NAV2: variants seen among roughly 807,000 people sequenced by gnomAD.
NAV2 encodes helicase, APC down-regulated 1.
In NAV2, 54 loss-of-function variants were observed where a neutral mutation model predicts 223.2. The observed-to-expected ratio is 0.24, with a 90% CI of 0.19 to 0.30. The LOEUF (loss-of-function observed/expected upper bound fraction) is 0.30. Ranked by LOEUF, NAV2 falls within the 10% of genes least tolerant of loss-of-function variation. The pLI, the probability that NAV2 is intolerant of heterozygous loss-of-function variation, is 1.00. For synonymous variants in NAV2, 1,279 were observed against 1,239.3 expected, an observed-to-expected ratio of 1.03 and a Z score of -0.67; for missense variants, 2,806 against 3,147.5, an observed-to-expected ratio of 0.89 and a Z score of 2.60.
intron 1 of NAV2, among the ~76,000 whole-genome samples, chr11:19,462,191 G>A (rs1015787675): frequency 6.6e-6 from 1 of 152,208 alleles, no homozygotes; most frequent in South Asian, 2.1e-4. Context: ...ACTTCATCAT[G>A]TATCATAATC....
chr11:19,614,955 T>G (rs1356358473), intron 1 of NAV2, among the ~76,000 whole-genome samples: 1 of 152,142 alleles, frequency 6.6e-6, no homozygotes, highest in Non-Finnish European at 1.5e-5. Context: ...GTACTCTTCT[T>G]TGTGACTTCT....
In NAV2 at chr11:20,095,678, A is replaced by G. The variant is rs2061207567; in HGVS notation, c.5923A>G (p.Arg1975Gly). ...TACATTTCCTTACCCTTAGGATTCC[A>G]GACCACATCTCTTTCTTATTGGCTG... ...QEEMKWKEDS[R>G]PHLFLIGCIG... The change falls in exon 30 of 38, where the codon AGA becomes GGA. Residue 1975 changes from arginine (R) to glycine (G), a missense_variant. Transcript: ENST00000349880. 6.2e-7 allele frequency: 1 copy of G among 1,612,298 alleles called. No homozygotes were observed. The highest frequency in any genetic ancestry group is 1.1e-5 in the South Asian group (1 of 91,030).
intron 1 of NAV2, among the ~76,000 whole-genome samples, chr11:19,480,744 A>G (rs2042253076): frequency 6.6e-6 from 1 of 152,200 alleles, no homozygotes; most frequent in Admixed American, 6.5e-5. Flanking sequence ...ATTTGCCATA[A>G]TTCTCTCCTT....
chr11:19,553,612 G>A (rs11819791), intron 1 of NAV2, among the ~76,000 whole-genome samples: 9,200 of 152,320 alleles, frequency 0.06, 992 homozygotes, highest in African/African-American at 0.21. Flanking sequence ...CTTGGGCTGC[G>A]GGTGGCCTCA....
chr11:20,044,320 C>T, intron 13 of NAV2, 48 bp downstream of exon 13: 1 of 1,525,474 alleles, frequency 6.6e-7, no homozygotes, highest in Non-Finnish European at 8.9e-7. Flanking sequence ...TTTTGAAAAC[C>T]AAAGCCATAG....
At chr11:19,438,768 G>A (rs1851297861) in intron 1 of NAV2, among the ~76,000 whole-genome samples, 1 of 152,158 alleles carries the variant, frequency 6.6e-6, no homozygotes, top group Admixed American at 6.6e-5. Flanking sequence ...GATGAGGTCT[G>A]GAAAGATCCT....
intron 1 of NAV2, among the ~76,000 whole-genome samples, chr11:19,387,428 G>T (rs1304897967): frequency 6.6e-6 from 1 of 152,120 alleles, no homozygotes; most frequent in Non-Finnish European, 1.5e-5. Flanking sequence ...AGTTCAGGCT[G>T]CTGGAGCATG....
chr11:19,763,356 T>C (rs1322958038), intron 1 of NAV2, among the ~76,000 whole-genome samples: 4 of 152,240 alleles, frequency 2.6e-5, no homozygotes, highest in African/African-American at 4.8e-5. Context: ...AACAACCTGC[T>C]TAGAAAGTCT....
intron 1 of NAV2, among the ~76,000 whole-genome samples, chr11:19,753,281 C>G (rs2053979913): frequency 6.6e-6 from 1 of 152,144 alleles, no homozygotes; most frequent in Non-Finnish European, 1.5e-5. Context: ...TGCCTCTAGG[C>G]CTTTGCATAT....
intron 1 of NAV2, among the ~76,000 whole-genome samples, chr11:19,796,447 G>T (rs1343860319): frequency 2.6e-5 from 4 of 152,144 alleles, no homozygotes; most frequent in Admixed American, 2.0e-4. Context: ...CCCTTTCTTG[G>T]TGCCATATAT....
At chr11:19,916,544 C>T (rs760066145) in intron 6 of NAV2, among the ~76,000 whole-genome samples, 1 of 152,210 alleles carries the variant, frequency 6.6e-6, no homozygotes, top group Non-Finnish European at 1.5e-5. Context: ...TTGATCTAAT[C>T]GTGTCTGTCT....
chr11:19,457,933 G>T (rs1852013806), intron 1 of NAV2, among the ~76,000 whole-genome samples: 1 of 152,180 alleles, frequency 6.6e-6, no homozygotes, highest in Admixed American at 6.5e-5. Context: ...GACATGCACG[G>T]AATAGGGCAC....
intron 1 of NAV2, among the ~76,000 whole-genome samples, chr11:19,646,798 A>G (rs1218530060): frequency 6.6e-6 from 1 of 152,238 alleles, no homozygotes; most frequent in African/African-American, 2.4e-5. Context: ...ATTTATAGAT[A>G]TAGAACATGA....
chr11:20,044,286 G>C lies in NAV2; in HGVS notation c.3199+14G>C. On this transcript the variant is annotated intron_variant, in intron 13 of 37. Coordinates refer to ENST00000349880, the MANE Select transcript of NAV2 (RefSeq NM_145117.5). ...CCCCAGGAACTGGTAAGAGGCCGGG[G>C]CTGTCTTGGCCCTACAGTTGACATT... The C allele has an allele frequency of 6.3e-7, 1 of 1,598,576 alleles. No homozygotes were observed. The highest frequency in any genetic ancestry group is 2.2e-5 in the East Asian group (1 of 44,468).
intron 11 of NAV2, chr11:20,023,181 ATGTACTGCCT>A: frequency 6.6e-7 from 1 of 1,516,826 alleles, no homozygotes; most frequent in Non-Finnish European, 8.9e-7. Context: ...GGTGTGGTGC[ATGTACTGCCT>A]TGTCTTCCTT....
intron 1 of NAV2, among the ~76,000 whole-genome samples, chr11:19,626,235 T>C (rs2047165299): frequency 6.6e-6 from 1 of 152,186 alleles, no homozygotes; most frequent in African/African-American, 2.4e-5. Flanking sequence ...GAGGTCTGTT[T>C]TCATTCTTTT....
At position 19,713,888 on chromosome 11, in the gene NAV2, G is replaced by C. The variant is rs1397227727; in HGVS notation, c.193G>C (p.Gly65Arg). 6.2e-6 allele frequency: 10 copies of C among 1,613,514 alleles called. No individual in the cohort carries two copies. Among genetic ancestry groups the C allele is most frequent in the Non-Finnish European group, 8.5e-6 (10 of 1,179,962 alleles). The part of the protein sequence containing the change: ...QIPLKSQVLQ[G>R]LQEPAGEGLP... ...CCCCCTGAAATCGCAGGTGCTGCAG[G>C]GGCTGCAGGAGCCAGCGGGGGAGGG... The change falls in exon 1 of 38, where the codon GGG (glycine) becomes CGG (arginine). Residue 65 changes from glycine (G) to arginine (R), a missense_variant. By Grantham distance (125) the Gly-to-Arg change is moderately radical. Around this residue, in one of 4 missense-constraint regions of NAV2, gnomAD observed 1,167 missense variants for 1,180.5 expected, o/e 0.99. Coordinates refer to ENST00000349880, the MANE Select transcript of NAV2 (RefSeq NM_145117.5). This position sits in a 1 kb window ranked among gnomAD's most constrained non-coding sequence, Gnocchi z 7.2.
chr11:19,471,124 A>G (rs1243949533), intron 1 of NAV2, among the ~76,000 whole-genome samples: 1 of 152,124 alleles, frequency 6.6e-6, no homozygotes, highest in Non-Finnish European at 1.5e-5. Context: ...GTGCCTTTCC[A>G]CAAATGACCC....
chr11:19,599,928 C>G lies in NAV2; in HGVS notation c.76-232556C>G, dbSNP rs530276186. Reference sequence around the variant, plus strand: ...TATATCTCTTCCTTTTCTCTCTCTCCAAACTGAATTGCATCCGTGTCTTAG... The same window carrying G: ...TATATCTCTTCCTTTTCTCTCTCTCGAAACTGAATTGCATCCGTGTCTTAG... On this transcript the variant is annotated intron_variant, in intron 1 of 37. Transcript: ENST00000360655. 1.1e-4 allele frequency among the ~76,000 whole-genome samples: 16 copies of G among 152,310 alleles called. No homozygotes were observed. The South Asian group carries it at 3.1e-3, about 30-fold the overall frequency.
Sources: gnomAD v4.1 joint callset for allele counts (sites outside exome capture counted in the v4.1 genomes callset) on GRCh38, gnomAD v4.1.1 for gene constraint, gnomAD v4.1.1 regional missense constraint, Gnocchi (gnomAD v3.1) non-coding constraint, MANE v1.5 for transcripts, NCBI Gene and HGNC (gene_info 2026-07-23, HGNC 2026-07-21) for gene names.